IQGAP2: variants seen among roughly 807,000 people sequenced by gnomAD.
IQGAP2 encodes the protein IQ motif containing GTPase activating protein 2, also known as ras GTPase-activating-like protein IQGAP2.
In IQGAP2, 173 loss-of-function variants were observed where a neutral mutation model predicts 201.3. The observed-to-expected ratio is 0.86, with a 90% CI of 0.76 to 0.98. The LOEUF (loss-of-function observed/expected upper bound fraction) is 0.98, where lower values mean the gene tolerates loss of function less well. Ranked by LOEUF, IQGAP2 falls within the 50% of genes least tolerant of loss-of-function variation. The pLI, the probability that IQGAP2 is intolerant of heterozygous loss-of-function variation, is 0.00. For synonymous variants in IQGAP2, 675 were observed against 673.9 expected (o/e 1.00, Z -0.03); for missense variants, 1,687 against 1,864.8 (o/e 0.90, Z 1.76).
At chr5:76,573,672 T>A in intron 4 of IQGAP2, among the ~76,000 whole-genome samples, 1 of 152,140 alleles carries the variant, frequency 6.6e-6, no homozygotes, top group East Asian at 1.9e-4. Flanking sequence ...ACTGCAGTGG[T>A]GCCATCTCGG....
intron 10 of IQGAP2, 142 bp from the exon 11 acceptor site, chr5:76,600,670 C>T (rs1412226214): frequency 2.4e-6 from 2 of 842,478 alleles, no homozygotes; most frequent in Non-Finnish European, 3.7e-6. Flanking sequence ...CAGTGGAAAG[C>T]AGGTGGCCAC....
intron 13 of IQGAP2, among the ~76,000 whole-genome samples, chr5:76,621,124 T>C (rs1749624703): frequency 6.6e-6 from 1 of 152,202 alleles, no homozygotes; most frequent in African/African-American, 2.4e-5. Context: ...TTCCTCCATA[T>C]TGAATACTTG....
At chr5:76,555,200 T>G (rs750387689) in intron 2 of IQGAP2, among the ~76,000 whole-genome samples, 14 of 152,328 alleles carry the variant, frequency 9.2e-5, no homozygotes, top group Non-Finnish European at 1.9e-4. Flanking sequence ...GTAAGGAAGA[T>G]GTTCTAAAAT....
At chr5:76,456,719 A>G (rs562926588) in intron 1 of IQGAP2, among the ~76,000 whole-genome samples, 1 of 152,334 alleles carries the variant, frequency 6.6e-6, no homozygotes, top group East Asian at 1.9e-4. Context: ...ATTGAAATGA[A>G]TTATCTATTC....
chr5:76,686,898 C>A (rs1315266100), intron 30 of IQGAP2, among the ~76,000 whole-genome samples: 2 of 152,158 alleles, frequency 1.3e-5, no homozygotes, highest in African/African-American at 2.4e-5. Flanking sequence ...GGTCTAGGCA[C>A]CCTTGTCAAA....
chr5:76,496,750 TTTCTTTC>T lies in IQGAP2; in HGVS notation c.146+35084_146+35090del, dbSNP rs1561416386. Among the ~76,000 whole-genome samples the T allele has an allele frequency of 1.2e-3, 77 of 65,572 alleles. 2 individuals are homozygous for T. Among genetic ancestry groups the T allele is most frequent in the African/African-American group, 2.9e-3 (41 of 14,178 alleles). 43.0% of individuals were successfully genotyped at this position (65,572 alleles called of 152,430 possible). ...TTTTCTTTCTTTCTTTCTTTCTTTC[TTTCTTTC>T]TTTCTTTCTTTCTTTCTTTCTTTCT... is the stretch of plus-strand genomic sequence containing the variant. On this transcript the variant is annotated intron_variant, in intron 2 of 35. Transcript: ENST00000274364.
chr5:76,549,905 G>A (rs569645485), intron 2 of IQGAP2, among the ~76,000 whole-genome samples: 1 of 152,024 alleles, frequency 6.6e-6, no homozygotes, highest in Non-Finnish European at 1.5e-5. Flanking sequence ...TTTGGGGAGG[G>A]GAACACAGTT....
chr5:76,653,832 C>T (rs766661434), intron 18 of IQGAP2, among the ~76,000 whole-genome samples: 1 of 152,148 alleles, frequency 6.6e-6, no homozygotes, highest in Non-Finnish European at 1.5e-5. Flanking sequence ...TTAGAAGAAA[C>T]CCTAGACTTA....
intron 1 of IQGAP2, among the ~76,000 whole-genome samples, chr5:76,458,607 G>C (rs1754234240): frequency 6.6e-6 from 1 of 152,144 alleles, no homozygotes; most frequent in Non-Finnish European, 1.5e-5. Flanking sequence ...CAGTGGGCCA[G>C]GCAGAAGGTC....
At chr5:76,668,223 G>A (rs760410714) in intron 22 of IQGAP2, among the ~76,000 whole-genome samples, 177 of 151,882 alleles carry the variant, frequency 1.2e-3, no homozygotes, top group Middle Eastern at 3.4e-3. Context: ...CTGGCTACCC[G>A]CCCTGTTTTC....
At chr5:76,616,239 A>G (rs1159751050) in intron 13 of IQGAP2, 1 of 152,304 alleles carries the variant, frequency 6.6e-6, no homozygotes, top group Non-Finnish European at 1.5e-5. Context: ...GAATCAGGGA[A>G]GAATGGTCCT....
intron 2 of IQGAP2, among the ~76,000 whole-genome samples, chr5:76,471,376 A>ACAAC (rs70982612): frequency 0.26 from 37,256 of 144,772 alleles, 5,291 homozygotes; most frequent in African/African-American, 0.29. Flanking sequence ...AAAAAAAAAA[A>ACAAC]AAAAAAAAAA....
intron 22 of IQGAP2, among the ~76,000 whole-genome samples, chr5:76,667,279 T>C (rs1252590907): frequency 6.6e-6 from 1 of 152,216 alleles, no homozygotes; most frequent in African/African-American, 2.4e-5. Context: ...TGCTTATTTA[T>C]AAAATTTCAA....
chr5:76,591,435 T>A (rs142338789), intron 8 of IQGAP2, among the ~76,000 whole-genome samples: 1 of 152,188 alleles, frequency 6.6e-6, no homozygotes, highest in African/African-American at 2.4e-5. Flanking sequence ...TAGTCCATTA[T>A]TGAAAAATTT....
chr5:76,410,316 T>A (rs1249391383), intron 1 of IQGAP2, among the ~76,000 whole-genome samples: 3 of 152,176 alleles, frequency 2.0e-5, no homozygotes, highest in Admixed American at 2.0e-4. Context: ...TCTATTTATA[T>A]AGGCAATAAA....
At chr5:76,533,206 G>C (rs921701064) in intron 2 of IQGAP2, among the ~76,000 whole-genome samples, 2 of 151,974 alleles carry the variant, frequency 1.3e-5, no homozygotes, top group Non-Finnish European at 2.9e-5. Flanking sequence ...GATATTGCTA[G>C]CATCTTGTGT....
intron 2 of IQGAP2, among the ~76,000 whole-genome samples, chr5:76,474,734 T>C (rs1018560899): frequency 1.3e-5 from 2 of 152,162 alleles, no homozygotes; most frequent in Non-Finnish European, 2.9e-5. Flanking sequence ...CTTGGATGCT[T>C]GTGTGAGTGC....
intron 2 of IQGAP2, among the ~76,000 whole-genome samples, chr5:76,501,999 C>T (rs911689393): frequency 6.6e-6 from 1 of 152,144 alleles, no homozygotes; most frequent in Admixed American, 6.5e-5. Context: ...TGTGCTACAA[C>T]CTGGGAGGAA....
chr5:76,507,404 T>G (rs527392770), intron 2 of IQGAP2, among the ~76,000 whole-genome samples: 1 of 123,454 alleles, frequency 8.1e-6, no homozygotes, highest in East Asian at 2.3e-4. Flanking sequence ...CACAAAACTC[T>G]AAAACTCCTA....
Sources: gnomAD v4.1 joint callset for allele counts (sites outside exome capture counted in the v4.1 genomes callset) on GRCh38, gnomAD v4.1.1 for gene constraint, MANE v1.5 for transcripts, NCBI Gene and HGNC (gene_info 2026-07-23, HGNC 2026-07-21) for gene names.